ENOX1: variants seen among roughly 807,000 people sequenced by gnomAD.
ENOX1 encodes ecto-NOX disulfide-thiol exchanger 1, also known as candidate growth-related and time keeping constitutive hydroquinone (NADH) oxidase.
Under a neutral mutation model 82.5 loss-of-function variants are expected in ENOX1, and 42 were observed. That is an observed-to-expected ratio of 0.51 (90% CI 0.40 to 0.66). ENOX1 has a LOEUF of 0.66. Ranked by LOEUF, ENOX1 falls within the 30% of genes least tolerant of loss-of-function variation. ENOX1 has a pLI of 0.00. For missense variants in ENOX1, 608 were observed against 811.6 expected (o/e 0.75, Z 3.05); for synonymous variants, 271 against 282.2 (o/e 0.96, Z 0.40).
chr13:43,518,048 C>T (rs1008505600), intron 2 of ENOX1, among the ~76,000 whole-genome samples: 5 of 152,072 alleles, frequency 3.3e-5, no homozygotes, highest in African/African-American at 1.2e-4. Flanking sequence ...ACTATTATTT[C>T]CTTTTAACAT....
At position 43,412,992 on chromosome 13, in the gene ENOX1, C is replaced by CA. The variant is rs2054226816; in HGVS notation, c.-74-5dup. 1 of 1,571,722 alleles carries CA rather than the reference C, an allele frequency of 6.4e-7. No individual in the cohort carries two copies. Among genetic ancestry groups the CA allele is most frequent in the Non-Finnish European group, 8.6e-7 (1 of 1,159,350 alleles). On this transcript the variant is annotated splice_polypyrimidine_tract_variant and splice_region_variant and intron_variant, in intron 3 of 16. Transcript: ENST00000690772. ...TCCCCTCGGAGGTCATCAGATTCTG[C>CA]AAAACGGGACAGAAGTGTGGTGAGA...
chr13:43,624,374 TA>T (rs2082876872), intron 2 of ENOX1, among the ~76,000 whole-genome samples: 1 of 152,170 alleles, frequency 6.6e-6, no homozygotes, highest in African/African-American at 2.4e-5. Flanking sequence ...CCATAGCTTA[TA>T]TTTTCATCTA....
At chr13:43,236,961 G>T (rs2042580894) in intron 14 of ENOX1, among the ~76,000 whole-genome samples, 1 of 152,182 alleles carries the variant, frequency 6.6e-6, no homozygotes, top group Non-Finnish European at 1.5e-5. Context: ...GTAATTCTCT[G>T]CACAAGTGGC....
chr13:43,540,770 A>G (rs1350896034), intron 2 of ENOX1, among the ~76,000 whole-genome samples: 1 of 152,216 alleles, frequency 6.6e-6, no homozygotes, highest in Non-Finnish European at 1.5e-5. Flanking sequence ...AAAACTAATT[A>G]GAGGAGGCAA....
At chr13:43,344,271 T>C (rs2049244383) in intron 9 of ENOX1, among the ~76,000 whole-genome samples, 1 of 152,134 alleles carries the variant, frequency 6.6e-6, no homozygotes. Context: ...CACAGATGCA[T>C]CTAGCTGCCC....
intron 3 of ENOX1, among the ~76,000 whole-genome samples, chr13:43,427,609 A>G (rs1024227072): frequency 5.3e-5 from 8 of 152,192 alleles, no homozygotes; most frequent in Non-Finnish European, 1.2e-4. Flanking sequence ...TTTATGCAAC[A>G]TATCTTTATA....
intron 8 of ENOX1, 127 bp from the exon 9 acceptor site, chr13:43,344,877 C>G: frequency 1.1e-6 from 1 of 899,312 alleles, no homozygotes; most frequent in Non-Finnish European, 1.7e-6. Context: ...AGCAAGTTAG[C>G]TTTCCTGAGA....
chr13:43,378,374 C>T (rs1390980742), intron 5 of ENOX1, among the ~76,000 whole-genome samples: 3 of 152,174 alleles, frequency 2.0e-5, no homozygotes, highest in Admixed American at 6.5e-5. Flanking sequence ...CATGTGTGCA[C>T]ACAAACACAT....
chr13:43,259,248 A>C (rs1566358371), intron 14 of ENOX1, among the ~76,000 whole-genome samples: 1 of 152,162 alleles, frequency 6.6e-6, no homozygotes, highest in Non-Finnish European at 1.5e-5. Context: ...ATCTGTTCTT[A>C]ACCTCTACAC....
At chr13:43,340,953 C>G (rs1004724892) in intron 9 of ENOX1, among the ~76,000 whole-genome samples, 1 of 152,142 alleles carries the variant, frequency 6.6e-6, no homozygotes, top group Admixed American at 6.5e-5. Context: ...TAAAAGCAGA[C>G]ATATCATGAA....
intron 1 of ENOX1, among the ~76,000 whole-genome samples, chr13:43,731,318 A>G (rs2029695): frequency 0.9 from 137,333 of 152,266 alleles, 62,409 homozygotes; most frequent in Non-Finnish European, 0.97. Flanking sequence ...CACATAGAGT[A>G]TTTTCTGGAC....
chr13:43,446,066 A>G (rs2056635504), intron 3 of ENOX1, among the ~76,000 whole-genome samples: 1 of 152,168 alleles, frequency 6.6e-6, no homozygotes, highest in South Asian at 2.1e-4. Context: ...CCAACCCACA[A>G]GAAAAGAAAT....
At chr13:43,551,104 C>T (rs2153699643) in intron 2 of ENOX1, among the ~76,000 whole-genome samples, 1 of 152,196 alleles carries the variant, frequency 6.6e-6, no homozygotes, top group South Asian at 2.1e-4. Flanking sequence ...AACTTAACTT[C>T]ACTGGGATTT....
At chr13:43,557,565 G>A (rs1391654712) in intron 2 of ENOX1, among the ~76,000 whole-genome samples, 1 of 152,164 alleles carries the variant, frequency 6.6e-6, no homozygotes, top group Non-Finnish European at 1.5e-5. Flanking sequence ...TGGTTCAGGA[G>A]CCTCATTCTG....
chr13:43,713,590 A>C (rs1225474701), intron 1 of ENOX1, among the ~76,000 whole-genome samples: 2 of 152,066 alleles, frequency 1.3e-5, no homozygotes, highest in Non-Finnish European at 2.9e-5. Flanking sequence ...ACAATTTCAG[A>C]GTCTGTTATT....
At position 43,362,156 on chromosome 13, in the gene ENOX1, TACACAC is replaced by T. The variant is rs10531058; in HGVS notation, c.209-710_209-705del. Among the ~76,000 whole-genome samples the T allele has an allele frequency of 4.2e-3, 614 of 145,674 alleles. 4 individuals are homozygous for T. Among genetic ancestry groups the T allele is most frequent in the South Asian group, 0.013 (57 of 4,466 alleles). On this transcript the variant is annotated intron_variant, in intron 5 of 16. Coordinates refer to ENST00000690772, the MANE Select transcript of ENOX1 (RefSeq NM_001347969.2). ...CTTTTGAAATCTTTATGCCCTGTAT[TACACAC>T]ACACACACACACACACACACACACA...
At chr13:43,614,888 T>G (rs987245737) in intron 2 of ENOX1, among the ~76,000 whole-genome samples, 3 of 152,182 alleles carry the variant, frequency 2.0e-5, no homozygotes, top group Non-Finnish European at 2.9e-5. Flanking sequence ...TTGCTAAGTA[T>G]GCAGAACCTT....
intron 2 of ENOX1, among the ~76,000 whole-genome samples, chr13:43,582,769 T>C (rs2080806144): frequency 6.6e-6 from 1 of 151,964 alleles, no homozygotes; most frequent in African/African-American, 2.4e-5. Flanking sequence ...AGAGACGGGG[T>C]CTTGCTATGT....
Position 43,259,873 on chromosome 13 carries a change from C to A in ENOX1, c.1611+5525G>T, listed in dbSNP as rs28595380. 3.9e-5 allele frequency among the ~76,000 whole-genome samples: 6 copies of A among 152,274 alleles called. No individual in the cohort carries two copies. In the South Asian group the frequency reaches 1.2e-3, roughly 32 times the overall value. On this transcript the variant is annotated intron_variant, in intron 14 of 16. Coordinates refer to ENST00000690772, the MANE Select transcript of ENOX1 (RefSeq NM_001347969.2). ...GTCTGCTCCTCTCCCAGTTCAAGAT[C>A]GGGGCCCCTAAGACCAAGCAGCAAG... is the stretch of plus-strand genomic sequence containing the variant.
Sources: allele counts gnomAD v4.1 joint callset (sites outside exome capture counted in the v4.1 genomes callset), GRCh38; gene constraint gnomAD v4.1.1; transcripts MANE v1.5; gene names NCBI Gene and HGNC (gene_info 2026-07-23, HGNC 2026-07-21).